Variants in CLNK observed in about 807,000 individuals in gnomAD.
CLNK encodes cytokine-dependent hematopoietic cell linker.
Under a neutral mutation model 68.6 loss-of-function variants are expected in CLNK, and 74 were observed. The ratio of observed to expected loss-of-function variants is 1.08; its 90% CI spans 0.89 to 1.31. The LOEUF (loss-of-function observed/expected upper bound fraction) is 1.31. CLNK is among the 50% of genes most tolerant of loss of function. CLNK has a pLI of 0.00. For missense variants in CLNK, 553 were observed against 515.3 expected (o/e 1.07, Z -0.71); for synonymous variants, 198 against 172.2 (o/e 1.15, Z -1.17).
chr4:10,692,262 G>T, the CLNK span, among the ~76,000 whole-genome samples: 1 of 152,084 alleles, frequency 6.6e-6, no homozygotes, highest in Non-Finnish European at 1.5e-5. Context: ...GTTCCAAGTC[G>T]TGCCTGGATC....
At chr4:10,716,759 T>C in the CLNK span, among the ~76,000 whole-genome samples, 1 of 149,814 alleles carries the variant, frequency 6.7e-6, no homozygotes, top group East Asian at 2.0e-4. Flanking sequence ...AATGGTGTGA[T>C]CTCGGCTCAC....
the CLNK span, among the ~76,000 whole-genome samples, chr4:10,729,907 G>A: frequency 1.3e-5 from 2 of 152,088 alleles, no homozygotes; most frequent in African/African-American, 2.4e-5. Flanking sequence ...TTTCCAGAAC[G>A]GTTACTATAT....
At chr4:10,725,853 A>C in the CLNK span, among the ~76,000 whole-genome samples, 2 of 50,554 alleles carry the variant, frequency 4.0e-5, no homozygotes, top group East Asian at 1.1e-3. Flanking sequence ...GACTCCGTCT[A>C]AAAAAAAAAA....
intron 8 of CLNK, among the ~76,000 whole-genome samples, chr4:10,543,797 G>C (rs1016343492): frequency 1.6e-4 from 25 of 152,108 alleles, no homozygotes; most frequent in African/African-American, 6.0e-4. Flanking sequence ...TTTTGAAATA[G>C]GTAGGATTCA....
chr4:10,528,925 G>T (rs1290774067), intron 12 of CLNK, among the ~76,000 whole-genome samples: 1 of 151,976 alleles, frequency 6.6e-6, no homozygotes, highest in Non-Finnish European at 1.5e-5. Context: ...TCTTCCTTAT[G>T]GTGGTAGAAT....
At chr4:10,567,071 A>G (rs1720148937) in intron 5 of CLNK, among the ~76,000 whole-genome samples, 1 of 151,698 alleles carries the variant, frequency 6.6e-6, no homozygotes, top group Non-Finnish European at 1.5e-5. Flanking sequence ...GAAATTGACA[A>G]GATAATCCTA....
intron 15 of CLNK, among the ~76,000 whole-genome samples, chr4:10,515,807 A>G (rs1169547613): frequency 6.6e-6 from 1 of 152,220 alleles, no homozygotes; most frequent in Non-Finnish European, 1.5e-5. Context: ...TATGTCTATT[A>G]TCTATTATTT....
Position 10,592,519 on chromosome 4 carries a change from CT to C in CLNK, c.83+5458del, listed in dbSNP as rs1236298589. Among the ~76,000 whole-genome samples, 11 of 151,704 alleles carry C rather than the reference CT, an allele frequency of 7.3e-5. No homozygotes were observed. The East Asian group carries it at 2.1e-3, about 29-fold the overall frequency. On this transcript the variant is annotated intron_variant, in intron 3 of 18. Coordinates refer to ENST00000226951, the MANE Select transcript of CLNK (RefSeq NM_052964.4). ...CATCCTTCTCTCCCTATTGAAGTTT[CT>C]TTTTCACGTCTATTTAAGTATCTAG...
the CLNK span, among the ~76,000 whole-genome samples, chr4:10,691,151 G>T: frequency 1.3e-5 from 2 of 151,944 alleles, no homozygotes; most frequent in Non-Finnish European, 2.9e-5. Context: ...ATTAGCTTTG[G>T]GGGTCTAATA....
chr4:10,707,219 A>G, the CLNK span, among the ~76,000 whole-genome samples: 243 of 152,298 alleles, frequency 1.6e-3, no homozygotes, highest in African/African-American at 5.7e-3. Flanking sequence ...AACACTAACA[A>G]TAACTGATGA....
chr4:10,722,059 G>C, the CLNK span, among the ~76,000 whole-genome samples: 1 of 152,194 alleles, frequency 6.6e-6, no homozygotes, highest in Non-Finnish European at 1.5e-5. Context: ...CTGTAATCCC[G>C]GCTACTCGGG....
In CLNK at chr4:10,651,169, A is replaced by G. The variant is rs191773262; in HGVS notation, c.11+16690T>C. On this transcript the variant is annotated intron_variant, in intron 2 of 18. Coordinates refer to ENST00000226951, the MANE Select transcript of CLNK (RefSeq NM_052964.4). ...TCCTCAAGGTTCTAGAACCAGAAAT[A>G]CCATTTGACCCAGCAATCCCATGAC... 5.9e-5 allele frequency among the ~76,000 whole-genome samples: 9 copies of G among 152,298 alleles called. No individual in the cohort carries two copies. The East Asian group carries it at 1.7e-3, about 29-fold the overall frequency.
At chr4:10,721,010 A>G in the CLNK span, among the ~76,000 whole-genome samples, 1 of 152,236 alleles carries the variant, frequency 6.6e-6, no homozygotes, top group African/African-American at 2.4e-5. Context: ...TTGTTAATAC[A>G]TACACAACTT....
At chr4:10,607,846 T>C (rs765269179) in intron 2 of CLNK, among the ~76,000 whole-genome samples, 4 of 152,232 alleles carry the variant, frequency 2.6e-5, no homozygotes, top group Non-Finnish European at 5.9e-5. Context: ...GTCACTGAAC[T>C]AAATCACTTA....
intron 2 of CLNK, among the ~76,000 whole-genome samples, chr4:10,660,451 A>T (rs962539594): frequency 3.3e-5 from 5 of 152,198 alleles, no homozygotes; most frequent in Non-Finnish European, 4.4e-5. Flanking sequence ...TTTTTCAATG[A>T]TTCATTTAGT....
chr4:10,565,661 C>T (rs1664765977), intron 6 of CLNK, among the ~76,000 whole-genome samples: 1 of 152,150 alleles, frequency 6.6e-6, no homozygotes, highest in Admixed American at 6.5e-5. Context: ...CTTGTCCACC[C>T]TCCGTTATGC....
chr4:10,588,163 T>C (rs930414188), intron 3 of CLNK, among the ~76,000 whole-genome samples: 4 of 152,190 alleles, frequency 2.6e-5, no homozygotes, highest in Admixed American at 6.5e-5. Flanking sequence ...AGCCATCCCA[T>C]TGATCAAAGG....
At chr4:10,650,133 T>A (rs1005419627) in intron 2 of CLNK, among the ~76,000 whole-genome samples, 1 of 152,176 alleles carries the variant, frequency 6.6e-6, no homozygotes, top group Non-Finnish European at 1.5e-5. Context: ...ATAGGTTTAA[T>A]ACAGTTTAGA....
intron 1 of CLNK, among the ~76,000 whole-genome samples, chr4:10,672,625 C>A (rs1409880346): frequency 4.6e-5 from 7 of 152,080 alleles, no homozygotes; most frequent in African/African-American, 1.7e-4. Flanking sequence ...CTGATGTAAT[C>A]ATAGAATCTT....
Sources: allele counts gnomAD v4.1 joint callset (sites outside exome capture counted in the v4.1 genomes callset), GRCh38; gene constraint gnomAD v4.1.1; transcripts MANE v1.5; gene names NCBI Gene and HGNC (gene_info 2026-07-23, HGNC 2026-07-21).